Variants in ADARB2 observed in about 807,000 individuals in gnomAD.
ADARB2 encodes the protein adenosine deaminase RNA specific B2 (inactive).
In ADARB2, 25 loss-of-function variants were observed where a neutral mutation model predicts 62.2. The observed-to-expected ratio is 0.40, with a 90% CI of 0.29 to 0.56. The LOEUF is 0.56. ADARB2 is among the 20% of genes least tolerant of loss of function. The probability of loss-of-function intolerance (pLI) is 0.43; values close to 1 mark genes in which losing one functional copy is unlikely to be tolerated. For missense variants in ADARB2, 1,071 were observed against 1,077.4 expected (o/e 0.99, Z 0.08); for synonymous variants, 572 against 500.8 (o/e 1.14, Z -1.90).
chr10:1,582,369 C>T (rs1833116048), intron 1 of ADARB2, among the ~76,000 whole-genome samples: 1 of 152,188 alleles, frequency 6.6e-6, no homozygotes, highest in Admixed American at 6.5e-5. Flanking sequence ...AGCACTGACC[C>T]ACAGCTGGTA....
At chr10:1,456,951 C>T (rs182964712) in intron 1 of ADARB2, among the ~76,000 whole-genome samples, 1 of 141,980 alleles carries the variant, frequency 7.0e-6, no homozygotes, top group East Asian at 2.4e-4. Context: ...AGCGCCACCA[C>T]GCCTGGCTAA....
At chr10:1,422,519 C>T (rs560743340) in intron 1 of ADARB2, among the ~76,000 whole-genome samples, 24 of 152,130 alleles carry the variant, frequency 1.6e-4, no homozygotes, top group East Asian at 1.4e-3. Context: ...GCTGAGCTGA[C>T]GGCACTGGTC....
chr10:1,604,564 A>G (rs1833471759), intron 1 of ADARB2, among the ~76,000 whole-genome samples: 1 of 152,212 alleles, frequency 6.6e-6, no homozygotes, highest in Non-Finnish European at 1.5e-5. Context: ...TCACACCACA[A>G]TCAGAAATAC....
chr10:1,540,515 A>T (rs1832405848), intron 1 of ADARB2, among the ~76,000 whole-genome samples: 1 of 113,470 alleles, frequency 8.8e-6, no homozygotes, highest in Non-Finnish European at 1.9e-5. Context: ...AGCCGCCCAG[A>T]CCCCACTCAG....
chr10:1,309,132 A>G (rs1831660916), intron 3 of ADARB2, among the ~76,000 whole-genome samples: 1 of 152,230 alleles, frequency 6.6e-6, no homozygotes, highest in African/African-American at 2.4e-5. Context: ...TTTGCACTTG[A>G]AGGAATGATA....
chr10:1,368,183 G>T (rs1305200214), intron 2 of ADARB2, among the ~76,000 whole-genome samples: 1 of 147,160 alleles, frequency 6.8e-6, no homozygotes, highest in African/African-American at 2.4e-5. Context: ...TCGTCCAGGG[G>T]TACGTGACCC....
intron 1 of ADARB2, among the ~76,000 whole-genome samples, chr10:1,619,715 G>T (rs1833685413): frequency 1.3e-5 from 2 of 152,158 alleles, no homozygotes; most frequent in African/African-American, 2.4e-5. Context: ...CTCCCAAAGT[G>T]CTGGGATTAC....
intron 1 of ADARB2, among the ~76,000 whole-genome samples, chr10:1,381,716 C>A (rs1832484970): frequency 6.6e-6 from 1 of 152,184 alleles, no homozygotes; most frequent in South Asian, 2.1e-4. Flanking sequence ...AGGACCTCAT[C>A]CTAAGTGAAA....
At chr10:1,678,100 T>C (rs974622739) in intron 1 of ADARB2, 1 of 963,514 alleles carries the variant, frequency 1.0e-6, no homozygotes, top group Admixed American at 6.2e-5. Context: ...GGCCAATTTC[T>C]GTGGCTTCAA....
intron 1 of ADARB2, among the ~76,000 whole-genome samples, chr10:1,723,820 GT>G (rs1450793315): frequency 6.6e-6 from 1 of 152,164 alleles, no homozygotes; most frequent in Admixed American, 6.5e-5. Context: ...CTAATCAGAG[GT>G]TAGTTCAATT....
intron 3 of ADARB2, among the ~76,000 whole-genome samples, chr10:1,305,456 C>T (rs990623239): frequency 2.0e-5 from 3 of 151,264 alleles, no homozygotes; most frequent in Non-Finnish European, 4.4e-5. Context: ...GATTCACAGC[C>T]GAATTCTACC....
At chr10:1,561,745 G>A (rs1251811525) in intron 1 of ADARB2, among the ~76,000 whole-genome samples, 1 of 152,094 alleles carries the variant, frequency 6.6e-6, no homozygotes, top group Non-Finnish European at 1.5e-5. Context: ...AGGTCTGAGA[G>A]GCTCCTCCTG....
chr10:1,724,040 A>ATTTT (rs1477918062), intron 1 of ADARB2, among the ~76,000 whole-genome samples: 4 of 152,188 alleles, frequency 2.6e-5, no homozygotes, highest in African/African-American at 9.7e-5. Flanking sequence ...CATGGGCTGA[A>ATTTT]TGGTGTTCCC....
intron 1 of ADARB2, among the ~76,000 whole-genome samples, chr10:1,583,780 A>G (rs1220881484): frequency 1.3e-5 from 2 of 152,242 alleles, no homozygotes; most frequent in Non-Finnish European, 2.9e-5. Context: ...AGCCAATACA[A>G]TGCTGAAGGA....
chr10:1,335,461 G>T (rs1166767330), intron 3 of ADARB2, among the ~76,000 whole-genome samples: 1 of 142,698 alleles, frequency 7.0e-6, no homozygotes, highest in African/African-American at 2.6e-5. Context: ...GGTAAACAGG[G>T]AAGAAGGGTG....
At chr10:1,509,114 A>C (rs1156379058) in intron 1 of ADARB2, among the ~76,000 whole-genome samples, 2 of 152,082 alleles carry the variant, frequency 1.3e-5, no homozygotes, top group East Asian at 3.9e-4. Context: ...TCCTGCTTTC[A>C]CTGCGTGCCA....
At chr10:1,360,625 C>T (rs1203437156) in intron 3 of ADARB2, among the ~76,000 whole-genome samples, 1 of 152,210 alleles carries the variant, frequency 6.6e-6, no homozygotes, top group African/African-American at 2.4e-5. Context: ...CAGTGTCCTC[C>T]CAGCCCCCGC....
chr10:1,710,261 C>T (rs1024705698), intron 1 of ADARB2, among the ~76,000 whole-genome samples: 3 of 152,222 alleles, frequency 2.0e-5, no homozygotes, highest in Admixed American at 6.5e-5. Context: ...TCCCCCTCAT[C>T]ATCTCTGAGT....
chr10:1,363,036 T>C lies in ADARB2; in HGVS notation c.1069A>G (p.Met357Val), dbSNP rs753426323. The stretch of plus-strand genomic sequence containing the variant: ...CCCGCCGCGCCCCTCACCTGCGGCA[T>C]TGGCGTCCTCCTGGCCCTGCCGGGC... ...HAPGRARRTP[M>V]PQEFADSISQ... The change falls in exon 3 of 10, where the codon ATG (methionine) becomes GTG (valine). Residue 357 changes from methionine to valine, a missense_variant. By Grantham distance (21) the Met-to-Val change is conservative. Transcript: ENST00000381312. The C allele has an allele frequency of 1.4e-5, 20 of 1,393,626 alleles. No individual in the cohort carries two copies. The highest frequency in any genetic ancestry group is 1.9e-4 in the Middle Eastern group (1 of 5,212). 86.3% of individuals were successfully genotyped at this position (1,393,626 alleles called of 1,614,324 possible). A position where few individuals can be genotyped will look rare whatever the true frequency, so the allele number is the denominator to read the frequency against.
Sources: gnomAD v4.1 joint callset for allele counts (sites outside exome capture counted in the v4.1 genomes callset) on GRCh38, gnomAD v4.1.1 for gene constraint, MANE v1.5 for transcripts, NCBI Gene and HGNC (gene_info 2026-07-23, HGNC 2026-07-21) for gene names.